Variants in TEX9 observed in about 807,000 individuals in gnomAD.
TEX9 encodes the protein testis-expressed protein 9.
TEX9 carries 74 observed loss-of-function variants against 59.6 expected under a neutral mutation model. The observed-to-expected ratio is 1.24, with a 90% CI of 1.03 to 1.51. TEX9 has a LOEUF of 1.51. Ranked by LOEUF, TEX9 falls within the 40% of genes most tolerant of loss-of-function variation. The probability of loss-of-function intolerance (pLI) is 0.00; values close to 1 mark genes in which losing one functional copy is unlikely to be tolerated. For missense variants in TEX9, 522 were observed against 447.8 expected, an observed-to-expected ratio of 1.17 and a Z score of -1.49; for synonymous variants, 186 against 152.2, an observed-to-expected ratio of 1.22 and a Z score of -1.64.
At chr15:56,317,220 G>C (rs1280663881) in intron 1 of TEX9, among the ~76,000 whole-genome samples, 1 of 152,218 alleles carries the variant, frequency 6.6e-6, no homozygotes, top group Non-Finnish European at 1.5e-5. Context: ...TCAATATCTT[G>C]TTATGAATCT....
intron 1 of TEX9, among the ~76,000 whole-genome samples, chr15:56,334,817 A>G (rs1051636324): frequency 2.1e-4 from 32 of 152,178 alleles, no homozygotes; most frequent in Non-Finnish European, 4.1e-4. Flanking sequence ...AAAAAAATCT[A>G]AAAATCTGAT....
At chr15:56,364,543 G>A (rs1308989921), upstream of TEX9, among the ~76,000 whole-genome samples, 1 of 151,644 alleles carries the variant, frequency 6.6e-6, no homozygotes, top group African/African-American at 2.4e-5. Flanking sequence ...GTAATTCAAG[G>A]TCATAAAGAT....
At chr15:56,435,314 T>A (rs2050703307) in intron 12 of TEX9, among the ~76,000 whole-genome samples, 1 of 151,488 alleles carries the variant, frequency 6.6e-6, no homozygotes, top group Non-Finnish European at 1.5e-5. Context: ...AGGAAAAACA[T>A]AATAAAACTG....
intron 3 of TEX9, among the ~76,000 whole-genome samples, chr15:56,377,930 G>A (rs1291627023): frequency 6.6e-6 from 1 of 152,088 alleles, no homozygotes; most frequent in Non-Finnish European, 1.5e-5. Context: ...TACCATGAAG[G>A]GATGTTGAAC....
intron 1 of TEX9, among the ~76,000 whole-genome samples, chr15:56,340,274 A>C (rs1596102865): frequency 6.6e-6 from 1 of 152,180 alleles, no homozygotes; most frequent in African/African-American, 2.4e-5. Context: ...GTATCATGAA[A>C]ATGACCATTA....
intron 1 of TEX9, among the ~76,000 whole-genome samples, chr15:56,321,489 T>C (rs1456892914): frequency 3.9e-5 from 6 of 152,196 alleles, no homozygotes; most frequent in African/African-American, 7.2e-5. Context: ...CTTTGGACTT[T>C]GGTAAATCCA....
chr15:56,307,781 ACTTT>A (rs1267529117), intron 1 of TEX9, among the ~76,000 whole-genome samples: 1 of 152,168 alleles, frequency 6.6e-6, no homozygotes, highest in Admixed American at 6.5e-5. Flanking sequence ...CCATTAATCT[ACTTT>A]CTGTCTTTAT....
chr15:56,395,338 T>C (rs921761189), intron 9 of TEX9: 1 of 153,532 alleles, frequency 6.5e-6, no homozygotes, highest in African/African-American at 2.4e-5. Context: ...CATTCTGTTA[T>C]ATGGATATAA....
intron 12 of TEX9, chr15:56,444,717 CATAGTACGATAGT>C: frequency 1.4e-6 from 2 of 1,464,862 alleles, no homozygotes; most frequent in South Asian, 2.3e-5. Flanking sequence ...CAAATTTGAA[CATAGTACGATAGT>C]ATATTTTACA....
intron 1 of TEX9, among the ~76,000 whole-genome samples, chr15:56,342,868 C>T (rs1041385274): frequency 1.3e-5 from 2 of 152,078 alleles, no homozygotes; most frequent in Non-Finnish European, 2.9e-5. Context: ...GGGTAAACTC[C>T]CATGTTACCT....
At chr15:56,335,504 A>G (rs1231645857) in intron 1 of TEX9, among the ~76,000 whole-genome samples, 1 of 152,134 alleles carries the variant, frequency 6.6e-6, no homozygotes, top group Non-Finnish European at 1.5e-5. Context: ...AGGGGCTGGG[A>G]AGGGTATGGG....
chr15:56,306,670 G>C (rs942124153), intron 1 of TEX9, among the ~76,000 whole-genome samples: 1 of 152,092 alleles, frequency 6.6e-6, no homozygotes. Flanking sequence ...GTTAGACTAA[G>C]ATGTAGTATT....
chr15:56,448,324 G>A (rs1453974823), downstream of TEX9, among the ~76,000 whole-genome samples: 2 of 152,182 alleles, frequency 1.3e-5, no homozygotes, highest in African/African-American at 2.4e-5. Context: ...ACTGAGGTTT[G>A]GAGTACAGCT....
At chr15:56,290,964 C>T (rs1459330693) in intron 1 of TEX9, among the ~76,000 whole-genome samples, 1 of 152,160 alleles carries the variant, frequency 6.6e-6, no homozygotes, top group Non-Finnish European at 1.5e-5. Context: ...CATGGCACAG[C>T]AGACAGCATA....
chr15:56,341,924 T>A (rs898375675), intron 1 of TEX9, among the ~76,000 whole-genome samples: 1 of 152,172 alleles, frequency 6.6e-6, no homozygotes, highest in Admixed American at 6.5e-5. Flanking sequence ...TTTGTTTAAG[T>A]AATGAGTTTG....
At chr15:56,351,387 C>T (rs967129195) in intron 1 of TEX9, among the ~76,000 whole-genome samples, 7 of 152,160 alleles carry the variant, frequency 4.6e-5, no homozygotes, top group Non-Finnish European at 8.8e-5. Flanking sequence ...ATGCCATCCT[C>T]CTTTAAAGAA....
chr15:56,370,305 C>A (rs2047139163), intron 2 of TEX9, among the ~76,000 whole-genome samples: 1 of 152,112 alleles, frequency 6.6e-6, no homozygotes, highest in Non-Finnish European at 1.5e-5. Context: ...AATACACCCA[C>A]ACCCAGTTAA....
At chr15:56,377,197 A>G (rs1961489) in intron 3 of TEX9, among the ~76,000 whole-genome samples, 1 of 151,792 alleles carries the variant, frequency 6.6e-6, no homozygotes, top group Admixed American at 6.6e-5. Context: ...GTGATTTCTC[A>G]AGTTTTGTTC....
intron 1 of TEX9, among the ~76,000 whole-genome samples, chr15:56,251,596 A>G (rs1472637809): frequency 2.6e-5 from 4 of 152,204 alleles, no homozygotes; most frequent in Non-Finnish European, 5.9e-5. Context: ...AAAGATACAC[A>G]AGAGAAAGCT....
Sources: gnomAD v4.1 joint callset for allele counts (sites outside exome capture counted in the v4.1 genomes callset) on GRCh38, gnomAD v4.1.1 for gene constraint, MANE v1.5 for transcripts, NCBI Gene and HGNC (gene_info 2026-07-23, HGNC 2026-07-21) for gene names.